Variants in CTNNA2 observed in about 807,000 individuals in gnomAD.
CTNNA2 encodes the protein catenin alpha-2.
A neutral mutation model predicts 101.0 loss-of-function variants in CTNNA2; 42 were observed. The observed-to-expected ratio is 0.42, with a 90% CI of 0.32 to 0.54. The LOEUF (loss-of-function observed/expected upper bound fraction) is 0.54, where lower values mean the gene tolerates loss of function less well. Among genes scored for constraint, CTNNA2 ranks in the 20% least tolerant of loss-of-function variants. CTNNA2 has a pLI of 0.14. For synonymous variants in CTNNA2, 450 were observed against 456.4 expected, an observed-to-expected ratio of 0.99 and a Z score of 0.18; for missense variants, 871 against 1,223.1, an observed-to-expected ratio of 0.71 and a Z score of 4.29.
chr2:80,603,917 T>G, intron 15 of CTNNA2, 157 bp from the exon 16 acceptor site: 1 of 554,880 alleles, frequency 1.8e-6, no homozygotes, highest in Non-Finnish European at 3.2e-6. Flanking sequence ...ACTACTAATA[T>G]AGAAACTGGA....
chr2:80,332,609 A>C (rs1207187449), intron 7 of CTNNA2, among the ~76,000 whole-genome samples: 1 of 152,232 alleles, frequency 6.6e-6, no homozygotes, highest in Admixed American at 6.5e-5. Context: ...GAAGGAAGGA[A>C]GGCCCCAGAA....
chr2:79,529,381 A>T (rs1558702232), intron 1 of CTNNA2, among the ~76,000 whole-genome samples: 1 of 152,060 alleles, frequency 6.6e-6, no homozygotes, highest in Non-Finnish European at 1.5e-5. Context: ...GGTGTTGATG[A>T]TGTAAAATAT....
At chr2:80,332,795 C>G (rs1185174493) in intron 7 of CTNNA2, among the ~76,000 whole-genome samples, 1 of 152,010 alleles carries the variant, frequency 6.6e-6, no homozygotes, top group Non-Finnish European at 1.5e-5. Context: ...TGATAAGAGG[C>G]CTTGCTATCC....
intron 12 of CTNNA2, among the ~76,000 whole-genome samples, chr2:80,567,155 T>G (rs1694134619): frequency 6.6e-6 from 1 of 152,204 alleles, no homozygotes; most frequent in Non-Finnish European, 1.5e-5. Flanking sequence ...AAAAAGATTC[T>G]GAGCTGAGGA....
intron 4 of CTNNA2, among the ~76,000 whole-genome samples, chr2:79,478,020 G>T (rs915782922): frequency 6.6e-6 from 1 of 152,192 alleles, no homozygotes; most frequent in Non-Finnish European, 1.5e-5. Flanking sequence ...AAAATTCCCA[G>T]TCCCACATAT....
At chr2:80,378,207 A>C (rs1251605027) in intron 7 of CTNNA2, among the ~76,000 whole-genome samples, 2 of 151,840 alleles carry the variant, frequency 1.3e-5, no homozygotes, top group East Asian at 3.9e-4. Context: ...ACATGCAAAA[A>C]ATTAGCCGGG....
At chr2:79,960,406 G>A (rs1269533192) in intron 7 of CTNNA2, among the ~76,000 whole-genome samples, 1 of 152,100 alleles carries the variant, frequency 6.6e-6, no homozygotes, top group African/African-American at 2.4e-5. Context: ...CCTTCATTTG[G>A]TACCTACTGA....
At chr2:79,835,673 T>G (rs796242153) in intron 3 of CTNNA2, among the ~76,000 whole-genome samples, 443 of 16,840 alleles carry the variant, frequency 0.026, 2 homozygotes, top group African/African-American at 0.059. Flanking sequence ...TTTGTTTTTT[T>G]TTTTTTTTTT....
At chr2:79,773,024 C>T (rs903300296) in intron 3 of CTNNA2, among the ~76,000 whole-genome samples, 3 of 152,154 alleles carry the variant, frequency 2.0e-5, no homozygotes, top group Non-Finnish European at 4.4e-5. Flanking sequence ...TTAGGATTTT[C>T]TCTCCTATAG....
At chr2:80,153,940 T>C (rs891718082) in intron 7 of CTNNA2, among the ~76,000 whole-genome samples, 3 of 152,176 alleles carry the variant, frequency 2.0e-5, no homozygotes, top group African/African-American at 7.2e-5. Context: ...ACTTCCAAAC[T>C]CTGCAACCTT....
At chr2:80,592,208 T>C (rs530466604) in intron 15 of CTNNA2, among the ~76,000 whole-genome samples, 1 of 152,266 alleles carries the variant, frequency 6.6e-6, no homozygotes, top group African/African-American at 2.4e-5. Flanking sequence ...AAAAATCATA[T>C]AATCATTCTA....
chr2:79,330,682 T>C (rs1676851200), intron 3 of CTNNA2, among the ~76,000 whole-genome samples: 1 of 152,176 alleles, frequency 6.6e-6, no homozygotes, highest in Non-Finnish European at 1.5e-5. Flanking sequence ...GTTCGCATGA[T>C]AGTGAATAAC....
intron 7 of CTNNA2, among the ~76,000 whole-genome samples, chr2:80,081,163 A>C (rs2148803154): frequency 6.6e-6 from 1 of 151,810 alleles, no homozygotes; most frequent in African/African-American, 2.4e-5. Flanking sequence ...CTTAATAAAA[A>C]CAACATTCTT....
intron 14 of CTNNA2, among the ~76,000 whole-genome samples, chr2:80,585,528 C>T (rs1306666949): frequency 6.6e-6 from 1 of 152,160 alleles, no homozygotes; most frequent in Non-Finnish European, 1.5e-5. Flanking sequence ...CTGATATGTT[C>T]CCTTTCCTCT....
chr2:79,630,231 C>T (rs942847217), intron 1 of CTNNA2, among the ~76,000 whole-genome samples: 1 of 152,236 alleles, frequency 6.6e-6, no homozygotes, highest in African/African-American at 2.4e-5. Context: ...TAAGGCATGG[C>T]ATAGCATGCC....
intron 4 of CTNNA2, among the ~76,000 whole-genome samples, chr2:79,431,161 C>T (rs1001139578): frequency 6.6e-6 from 1 of 152,080 alleles, no homozygotes; most frequent in African/African-American, 2.4e-5. Context: ...CAGGTATACA[C>T]TCCCTCCTGG....
intron 7 of CTNNA2, among the ~76,000 whole-genome samples, chr2:80,132,230 A>G (rs1435494550): frequency 6.6e-6 from 1 of 152,112 alleles, no homozygotes; most frequent in Non-Finnish European, 1.5e-5. Context: ...ACACATTGCT[A>G]CTGAAAGCTT....
At chr2:79,383,871 C>A (rs866490621) in intron 4 of CTNNA2, among the ~76,000 whole-genome samples, 23 of 152,086 alleles carry the variant, frequency 1.5e-4, no homozygotes, top group Non-Finnish European at 2.8e-4. Context: ...ACATAAGAAA[C>A]CCTGTCTTAT....
chr2:80,095,496 A>C (rs1452982282), intron 7 of CTNNA2, among the ~76,000 whole-genome samples: 1 of 152,188 alleles, frequency 6.6e-6, no homozygotes, highest in Non-Finnish European at 1.5e-5. Flanking sequence ...AGGCTTTGGT[A>C]TCAGGATGAT....
Sources: allele counts gnomAD v4.1 joint callset (sites outside exome capture counted in the v4.1 genomes callset), GRCh38; gene constraint gnomAD v4.1.1; transcripts MANE v1.5; gene names NCBI Gene and HGNC (gene_info 2026-07-23, HGNC 2026-07-21).